NRXN1: variants seen among roughly 807,000 people sequenced by gnomAD.
NRXN1 encodes the protein neurexin 1.
NRXN1 carries 39 observed loss-of-function variants against 150.9 expected under a neutral mutation model. The observed-to-expected ratio is 0.26, with a 90% CI of 0.20 to 0.34. The LOEUF (loss-of-function observed/expected upper bound fraction) is 0.34, where lower values mean the gene tolerates loss of function less well. NRXN1 is among the 10% of genes least tolerant of loss of function. The pLI is 1.00. For synonymous variants in NRXN1, 924 were observed against 757.0 expected, an observed-to-expected ratio of 1.22 and a Z score of -3.62; for missense variants, 1,815 against 1,949.9, an observed-to-expected ratio of 0.93 and a Z score of 1.30.
intron 21 of NRXN1, among the ~76,000 whole-genome samples, chr2:50,021,811 T>A (rs985013305): frequency 5.3e-5 from 8 of 152,196 alleles, no homozygotes; most frequent in African/African-American, 1.9e-4. Flanking sequence ...ATACAGAAGA[T>A]AATTCAAAAC....
intron 5 of NRXN1, among the ~76,000 whole-genome samples, chr2:50,842,029 T>C (rs1184369592): frequency 6.6e-6 from 1 of 152,180 alleles, no homozygotes; most frequent in Non-Finnish European, 1.5e-5. Context: ...AATAACTAGC[T>C]TGAATGAATT....
At chr2:50,653,975 T>A (rs1314321104) in intron 5 of NRXN1, among the ~76,000 whole-genome samples, 1 of 110,818 alleles carries the variant, frequency 9.0e-6, no homozygotes, top group East Asian at 3.2e-4. Flanking sequence ...GGCCTTTTCA[T>A]CTTTTTTTTT....
chr2:49,996,671 G>C (rs1437838970), intron 21 of NRXN1, among the ~76,000 whole-genome samples: 2 of 152,046 alleles, frequency 1.3e-5, no homozygotes, highest in South Asian at 2.1e-4. Context: ...GCAAGGAAGG[G>C]GCCATAAACT....
At chr2:50,291,742 GT>G (rs1174076908) in intron 17 of NRXN1, among the ~76,000 whole-genome samples, 2 of 152,192 alleles carry the variant, frequency 1.3e-5, no homozygotes, top group South Asian at 2.1e-4. Flanking sequence ...AAAAGAGCAA[GT>G]GTAGATTGGT....
chr2:50,489,997 T>G (rs1232799455), intron 15 of NRXN1, among the ~76,000 whole-genome samples: 7 of 152,164 alleles, frequency 4.6e-5, no homozygotes, highest in Non-Finnish European at 7.3e-5. Context: ...TGAGACAAAT[T>G]CTGCAAAACC....
At chr2:50,981,181 G>GAAA (rs1696727957) in intron 2 of NRXN1, among the ~76,000 whole-genome samples, 1 of 151,858 alleles carries the variant, frequency 6.6e-6, no homozygotes, top group African/African-American at 2.4e-5. Flanking sequence ...AACTGTCTCG[G>GAAA]CGTAGTGGCT....
chr2:50,070,480 C>T (rs1180132498), intron 19 of NRXN1, among the ~76,000 whole-genome samples: 1 of 151,984 alleles, frequency 6.6e-6, no homozygotes, highest in Non-Finnish European at 1.5e-5. Flanking sequence ...ACTTAAAAAC[C>T]TGTAAGTGGG....
At chr2:50,069,630 T>C (rs1695900160) in intron 19 of NRXN1, among the ~76,000 whole-genome samples, 1 of 152,174 alleles carries the variant, frequency 6.6e-6, no homozygotes, top group Non-Finnish European at 1.5e-5. Flanking sequence ...TTGGCATCTG[T>C]GGAGATCTTT....
chr2:49,993,471 A>G (rs549942882), intron 21 of NRXN1, among the ~76,000 whole-genome samples: 2 of 152,328 alleles, frequency 1.3e-5, no homozygotes, highest in East Asian at 1.9e-4. Flanking sequence ...GTATGACACT[A>G]TAATAATAGA....
At chr2:50,130,391 T>A (rs1190268527) in intron 18 of NRXN1, among the ~76,000 whole-genome samples, 1 of 152,130 alleles carries the variant, frequency 6.6e-6, no homozygotes, top group East Asian at 1.9e-4. Flanking sequence ...GGAATCAACA[T>A]GTAGCCCATA....
chr2:50,066,717 C>A (rs1001220494), intron 19 of NRXN1, among the ~76,000 whole-genome samples: 4 of 151,872 alleles, frequency 2.6e-5, no homozygotes, highest in African/African-American at 4.8e-5. Flanking sequence ...AAAGAAAAAA[C>A]TCTCATAAAA....
At chr2:51,025,574 C>T (rs74861321) in intron 2 of NRXN1, among the ~76,000 whole-genome samples, 3,700 of 152,180 alleles carry the variant, frequency 0.024, 140 homozygotes, top group African/African-American at 0.08. Context: ...ATGGGTCCTT[C>T]ATTAAATTGC....
intron 17 of NRXN1, among the ~76,000 whole-genome samples, chr2:50,375,569 G>C (rs1360338941): frequency 6.7e-6 from 1 of 148,346 alleles, no homozygotes; most frequent in African/African-American, 2.5e-5. Context: ...TGAAACTATA[G>C]AAAAAAATTA....
chr2:50,551,478 G>A (rs1667531935), intron 9 of NRXN1: 1 of 152,160 alleles, frequency 6.6e-6, no homozygotes, highest in African/African-American at 2.4e-5. Flanking sequence ...ATGCAAGGAG[G>A]GTATGAGCAA....
chr2:49,987,227 T>G (rs963056628), intron 21 of NRXN1, among the ~76,000 whole-genome samples: 4 of 152,140 alleles, frequency 2.6e-5, no homozygotes, highest in Non-Finnish European at 4.4e-5. Flanking sequence ...TTCAATGAGC[T>G]AAATTTCTCT....
intron 18 of NRXN1, among the ~76,000 whole-genome samples, chr2:50,144,233 C>T (rs1477567854): frequency 1.3e-5 from 2 of 151,806 alleles, no homozygotes; most frequent in African/African-American, 4.8e-5. Flanking sequence ...GCAATGAGGC[C>T]ACACTGATTC....
chr2:49,937,148 T>G (rs1017713645), intron 22 of NRXN1, among the ~76,000 whole-genome samples: 1 of 152,218 alleles, frequency 6.6e-6, no homozygotes, highest in African/African-American at 2.4e-5. Flanking sequence ...CTAACTTTAG[T>G]GGGCTCCATG....
intron 18 of NRXN1, among the ~76,000 whole-genome samples, chr2:50,134,616 C>T (rs1419633983): frequency 6.6e-6 from 1 of 152,112 alleles, no homozygotes. Flanking sequence ...GATTCCCAGC[C>T]CCATCCCAAA....
chr2:50,259,165 G>T (rs560234714), intron 17 of NRXN1, among the ~76,000 whole-genome samples: 1 of 151,912 alleles, frequency 6.6e-6, no homozygotes, highest in African/African-American at 2.4e-5. Flanking sequence ...CTCCTTTTCA[G>T]CTGTGAAAGA....
Sources: gnomAD v4.1 joint callset for allele counts (sites outside exome capture counted in the v4.1 genomes callset) on GRCh38, gnomAD v4.1.1 for gene constraint, MANE v1.5 for transcripts, NCBI Gene and HGNC (gene_info 2026-07-23, HGNC 2026-07-21) for gene names.